Variants in INTS2 observed in about 807,000 individuals in gnomAD.
The protein encoded by INTS2 is KIAA1287.
INTS2 carries 57 observed loss-of-function variants against 139.6 expected under a neutral mutation model. The observed-to-expected ratio is 0.41, with a 90% CI of 0.33 to 0.51. The LOEUF (loss-of-function observed/expected upper bound fraction) is 0.51. Ranked by LOEUF, INTS2 falls within the 20% of genes least tolerant of loss-of-function variation. The pLI, the probability that INTS2 is intolerant of heterozygous loss-of-function variation, is 0.28. For missense variants in INTS2, 1,196 were observed against 1,436.7 expected (o/e 0.83, Z 2.71); for synonymous variants, 473 against 493.4 (o/e 0.96, Z 0.55).
chr17:61,890,836 G>A (rs1186004609), intron 14 of INTS2, among the ~76,000 whole-genome samples: 4 of 151,252 alleles, frequency 2.6e-5, no homozygotes, highest in Non-Finnish European at 4.4e-5. Context: ...GGCCAAGGCA[G>A]GAGGATCACT....
intron 9 of INTS2, 95 bp downstream of exon 9, chr17:61,904,365 G>T: frequency 1.1e-6 from 1 of 887,658 alleles, no homozygotes; most frequent in Non-Finnish European, 1.7e-6. Flanking sequence ...ACCTAGACCA[G>T]CTTTTGTAGA....
Position 61,872,293 on chromosome 17 carries a change from T to C in INTS2, c.2750A>G (p.Glu917Gly). ...AGCGGCCAGTAATGCATTTTTCAAT[T>C]CTTCCCTGGTAACTTCCGGAGCATC... ...QTDAPEVTRE[E>G]LKNALLAAQD... The change falls in exon 20 of 25, where the codon GAA becomes GGA. Residue 917 changes from glutamate (E) to glycine (G), a missense_variant. Physicochemically the swap from Glu to Gly is moderately conservative, Grantham distance 98 (BLOSUM62 -2). Transcript: ENST00000251334. This position sits in a 1 kb window ranked among gnomAD's most constrained non-coding sequence, Gnocchi z 4.8. 6.2e-7 allele frequency: 1 copy of C among 1,611,900 alleles called. No homozygotes were observed. Among genetic ancestry groups the C allele is most frequent in the Non-Finnish European group, 8.5e-7 (1 of 1,178,876 alleles).
intron 5 of INTS2, among the ~76,000 whole-genome samples, chr17:61,919,013 C>T (rs561353941): frequency 6.5e-4 from 98 of 151,696 alleles, no homozygotes; most frequent in Non-Finnish European, 1.2e-3. Context: ...CAACCTCCAC[C>T]TCCCAGGTTC....
rs564509799 is a variant in INTS2 at position 61,876,096 on chromosome 17, G to A, written c.2457-1058C>T. 6.6e-6 allele frequency among the ~76,000 whole-genome samples: 1 copy of A among 152,288 alleles called. No individual in the cohort carries two copies. Among genetic ancestry groups the A allele is most frequent in the African/African-American group, 2.4e-5 (1 of 41,568 alleles). Reference sequence around the variant, plus strand: ...AGGCAGAAGGATCGTTTGAGCCCATGAGTTGAGGTTACAGTGAACTATGAT... The same window carrying A: ...AGGCAGAAGGATCGTTTGAGCCCATAAGTTGAGGTTACAGTGAACTATGAT... On this transcript the variant is annotated intron_variant, in intron 18 of 24. Coordinates refer to ENST00000251334, the MANE Select transcript of INTS2 (RefSeq NM_001351695.2). This position sits in a 1 kb window ranked among gnomAD's most constrained non-coding sequence, Gnocchi z 4.1.
Position 61,881,009 on chromosome 17 carries a change from T to G in INTS2, c.2252A>C (p.Glu751Ala), listed in dbSNP as rs1567892751. ...GGAGTATCAATAATTTACTATACCT[T>G]CTTGGAGTTGTTTGGGAGAATGATT... ...AKNHSPKQLQ[E>A]AFSAVPVNNT... is the part of the protein sequence containing the mutation. The change falls in exon 17 of 25, where the codon GAA (glutamate) becomes GCA (alanine). Residue 751 changes from glutamate to alanine, a missense_variant and splice_region_variant. Physicochemically the swap from Glu to Ala is moderately radical, Grantham distance 107 (BLOSUM62 -1). Around this residue, in one of 3 missense-constraint regions of INTS2, gnomAD observed 1,129 missense variants for 1,341.9 expected, o/e 0.84. Coordinates refer to ENST00000251334, the MANE Select transcript of INTS2 (RefSeq NM_001351695.2). 1 of 1,612,552 alleles carries G rather than the reference T, an allele frequency of 6.2e-7. No homozygotes were observed. The highest frequency in any genetic ancestry group is 1.7e-5 in the Admixed American group (1 of 59,992).
At chr17:61,913,445 C>T (rs1162729269) in intron 5 of INTS2, among the ~76,000 whole-genome samples, 2 of 150,562 alleles carry the variant, frequency 1.3e-5, no homozygotes, top group African/African-American at 4.9e-5. Flanking sequence ...ATAAAATTTA[C>T]TGCAGAAAAG....
rs144193440 is a variant in INTS2, at chr17:61,902,567, T to C, written c.1307+1893A>G. Among the ~76,000 whole-genome samples the C allele has an allele frequency of 2.2e-3, 339 of 152,062 alleles. 1 individual carries two copies. Among genetic ancestry groups the C allele is most frequent in the African/African-American group, 7.6e-3 (315 of 41,488 alleles). ...CAGAATTTTAGAACCTGTTCAGCACTCTAAAAATAACTTGCTCATTCTAAG... is the reference window on the plus strand; with the variant it reads ...CAGAATTTTAGAACCTGTTCAGCACCCTAAAAATAACTTGCTCATTCTAAG... On this transcript the variant is annotated intron_variant, in intron 9 of 24. Transcript: ENST00000251334.
intron 5 of INTS2, among the ~76,000 whole-genome samples, chr17:61,912,283 C>A (rs368143693): frequency 1.3e-5 from 2 of 148,530 alleles, no homozygotes; most frequent in Non-Finnish European, 2.9e-5. Flanking sequence ...CCCAGAGAGA[C>A]AAAGAAAGTA....
chr17:61,878,446 C>G (rs2079145528), intron 17 of INTS2, among the ~76,000 whole-genome samples: 1 of 151,976 alleles, frequency 6.6e-6, no homozygotes, highest in Non-Finnish European at 1.5e-5. Context: ...CACCTGTAAT[C>G]CCAGCTACTT....
intron 5 of INTS2, among the ~76,000 whole-genome samples, chr17:61,916,588 G>T (rs2079585292): frequency 6.6e-6 from 1 of 152,176 alleles, no homozygotes; most frequent in African/African-American, 2.4e-5. Flanking sequence ...GGGATAGCTG[G>T]CTAGCCATAT....
intron 17 of INTS2, among the ~76,000 whole-genome samples, chr17:61,880,218 T>C (rs1603373736): frequency 6.6e-6 from 1 of 151,980 alleles, no homozygotes; most frequent in South Asian, 2.1e-4. Context: ...TAATTTTTTT[T>C]TGTATTTTTA....
chr17:61,926,376 T>C lies in INTS2; in HGVS notation c.269A>G (p.Asp90Gly). ...LSVDFHALEQ[D>G]ASKEQQLRHK... ...CCTAAGCTGCTGTTCTTTGCTGGCA[T>C]CTTGTTCTAAAGCATGAAAGTCCAC... is the stretch of plus-strand genomic sequence containing the variant. The change falls in exon 2 of 25, where the codon GAT becomes GGT. Residue 90 changes from aspartate to glycine, a missense_variant. Around this residue, in one of 3 missense-constraint regions of INTS2, gnomAD observed 1,129 missense variants for 1,341.9 expected, o/e 0.84. Coordinates refer to ENST00000251334, the MANE Select transcript of INTS2 (RefSeq NM_001351695.2). 6.2e-7 allele frequency: 1 copy of C among 1,603,578 alleles called. No homozygotes were observed. Among genetic ancestry groups the C allele is most frequent in the Non-Finnish European group, 8.5e-7 (1 of 1,171,802 alleles).
At position 61,869,125 on chromosome 17, in the gene INTS2, C is replaced by A. The variant is rs1487302147; in HGVS notation, c.3153G>T (p.Gln1051His). ...PELEKQIFAI[Q>H]LLSHLCIQYA... is the part of the protein sequence containing the mutation. ...ATTGTATACACAAGTGAGAAAGCAA[C>A]TGGATAGCAAATATCTGCAATACAA... Residue 1051 changes from glutamine to histidine, a missense_variant, in exon 23 of 25, where the codon CAG (glutamine) becomes CAT (histidine). Coordinates refer to ENST00000251334, the MANE Select transcript of INTS2 (RefSeq NM_001351695.2). The surrounding 1 kb of genome is among the most constrained non-coding windows in gnomAD (Gnocchi z 5.4). 2 of 1,606,696 alleles carry A rather than the reference C, an allele frequency of 1.2e-6. No homozygotes were observed. The highest frequency in any genetic ancestry group is 1.7e-6 in the Non-Finnish European group (2 of 1,173,976).
Position 61,907,584 on chromosome 17 carries a change from A to G in INTS2, c.1005T>C (p.Leu335=). The change falls in exon 8 of 25, where the codon CTT becomes CTC. Residue 335 remains leucine (L), a synonymous_variant. Transcript: ENST00000251334. Reference sequence around the variant, plus strand: ...GAAGAATGCCCATCAACTCCAGAAGAAGCTGCCTTCTCATCTGCCAAAGGA... The same window carrying G: ...GAAGAATGCCCATCAACTCCAGAAGGAGCTGCCTTCTCATCTGCCAAAGGA... The part of the protein sequence containing the change: ...SSVLWQMRRQ[L]LLELMGILPT... 1 of 1,592,952 alleles carries G rather than the reference A, an allele frequency of 6.3e-7. No individual in the cohort carries two copies. The highest frequency in any genetic ancestry group is 8.6e-7 in the Non-Finnish European group (1 of 1,168,992).
At chr17:61,881,259 C>T in intron 16 of INTS2, 88 bp from the exon 17 acceptor site, 1 of 1,043,966 alleles carries the variant, frequency 9.6e-7, no homozygotes, top group South Asian at 1.6e-5. Context: ...AAGCCATCAG[C>T]CCACAAGGAA....
intron 5 of INTS2, among the ~76,000 whole-genome samples, chr17:61,918,557 T>C (rs1399079189): frequency 6.6e-6 from 1 of 152,082 alleles, no homozygotes; most frequent in African/African-American, 2.4e-5. Context: ...AGAAGTATTT[T>C]GATAGAGCTC....
In INTS2 at chr17:61,889,302, G is replaced by C. The variant is rs1354693862; in HGVS notation, c.1984+484C>G. 3.9e-5 allele frequency among the ~76,000 whole-genome samples: 6 copies of C among 151,992 alleles called. No homozygotes were observed. The East Asian group carries it at 9.7e-4, about 25-fold the overall frequency. On this transcript the variant is annotated intron_variant, in intron 15 of 24. Coordinates refer to ENST00000251334, the MANE Select transcript of INTS2 (RefSeq NM_001351695.2). Reference sequence around the variant, plus strand: ...GGGTTTCGCCATGTTGACCAGGCTGGTCTCGAACTCCTGACCTCAGGTGAT... The same window carrying C: ...GGGTTTCGCCATGTTGACCAGGCTGCTCTCGAACTCCTGACCTCAGGTGAT...
At chr17:61,900,510 C>G (rs2143036946) in intron 9 of INTS2, among the ~76,000 whole-genome samples, 1 of 152,260 alleles carries the variant, frequency 6.6e-6, no homozygotes, top group Non-Finnish European at 1.5e-5. Flanking sequence ...CAGCCCTTAA[C>G]CCTCACTCTT....
chr17:61,917,581 T>G (rs1375075804), intron 5 of INTS2, among the ~76,000 whole-genome samples: 1 of 152,226 alleles, frequency 6.6e-6, no homozygotes, highest in African/African-American at 2.4e-5. Flanking sequence ...AAACATTGGG[T>G]ACACATGGAC....
Sources: allele counts gnomAD v4.1 joint callset (sites outside exome capture counted in the v4.1 genomes callset), GRCh38; gene constraint gnomAD v4.1.1; regional missense constraint gnomAD v4.1.1; non-coding constraint Gnocchi (gnomAD v3.1); transcripts MANE v1.5; gene names NCBI Gene and HGNC (gene_info 2026-07-23, HGNC 2026-07-21).